Variants in DYNC1H1 observed in about 807,000 individuals in gnomAD.
DYNC1H1 encodes dynein cytoplasmic 1 heavy chain 1, also known as cytoplasmic dynein 1 heavy chain 1.
DYNC1H1 carries 51 observed loss-of-function variants against 527.1 expected under a neutral mutation model. The ratio of observed to expected loss-of-function variants is 0.10; its 90% CI spans 0.08 to 0.12. The LOEUF (loss-of-function observed/expected upper bound fraction) is 0.12. Among genes scored for constraint, DYNC1H1 ranks in the 10% least tolerant of loss-of-function variants. The probability of loss-of-function intolerance (pLI) is 1.00; values close to 1 mark genes in which losing one functional copy is unlikely to be tolerated. For missense variants in DYNC1H1, 2,771 were observed against 5,971.8 expected, an observed-to-expected ratio of 0.46 and a Z score of 17.66; for synonymous variants, 2,189 against 2,278.8, an observed-to-expected ratio of 0.96 and a Z score of 1.12.
rs749479290 is a variant in DYNC1H1 at position 102,010,480 on chromosome 14, T to C, written c.6405+21T>C. 3 of 1,613,332 alleles carry C rather than the reference T, an allele frequency of 1.9e-6. No homozygotes were observed. The highest frequency in any genetic ancestry group is 1.7e-6 in the Non-Finnish European group (2 of 1,179,500). ...AAGAGGTTCGTTACAAACGTTTTGATCACTCAAACCTTATACGTTATTTAA... is the reference window on the plus strand; with the variant it reads ...AAGAGGTTCGTTACAAACGTTTTGACCACTCAAACCTTATACGTTATTTAA... On this transcript the variant is annotated intron_variant, in intron 31 of 77. Transcript: ENST00000360184. The surrounding 1 kb of genome is among the most constrained non-coding windows in gnomAD (Gnocchi z 6.0).
chr14:102,013,152 G>A (rs1253090327), intron 34 of DYNC1H1, among the ~76,000 whole-genome samples: 1 of 150,972 alleles, frequency 6.6e-6, no homozygotes, highest in Non-Finnish European at 1.5e-5. Flanking sequence ...AAGAGGCTGA[G>A]GCAGGAGAAT....
At chr14:102,046,821 C>G (rs2048726326) in intron 72 of DYNC1H1, among the ~76,000 whole-genome samples, 2 of 148,852 alleles carry the variant, frequency 1.3e-5, no homozygotes, top group Admixed American at 6.7e-5. Context: ...TGCTTTGAGA[C>G]TGAGTCTTGC....
chr14:101,984,079 T>C (rs2047899387), intron 7 of DYNC1H1, among the ~76,000 whole-genome samples: 1 of 152,136 alleles, frequency 6.6e-6, no homozygotes, highest in Non-Finnish European at 1.5e-5. Flanking sequence ...GCAGTCCTCC[T>C]ACCTCAGCTT....
rs2048339045 is a variant in DYNC1H1, at chr14:102,017,669, T to G, written c.8177+165T>G. On this transcript the variant is annotated intron_variant, in intron 40 of 77. Coordinates refer to ENST00000360184, the MANE Select transcript of DYNC1H1 (RefSeq NM_001376.5). This position sits in a 1 kb window ranked among gnomAD's most constrained non-coding sequence, Gnocchi z 4.6. ...GTGCTGTAATGCCAGGAAAACATGT[T>G]AAAAATAAAAGCATTGGCCGGGCGC... 7.4e-7 allele frequency: 1 copy of G among 1,349,880 alleles called. No homozygotes were observed. Among genetic ancestry groups the G allele is most frequent in the East Asian group, 2.4e-5 (1 of 40,878 alleles). The allele number at this position is 1,349,880 out of a possible 1,614,324, so 83.6% of individuals were successfully genotyped here. A position where few individuals can be genotyped will look rare whatever the true frequency, so the allele number is the denominator to read the frequency against.
At chr14:101,969,037 A>T (rs1471922458) in intron 1 of DYNC1H1, among the ~76,000 whole-genome samples, 1 of 150,812 alleles carries the variant, frequency 6.6e-6, no homozygotes, top group East Asian at 2.0e-4. Flanking sequence ...TTTTTTTTTG[A>T]GACAGAGTCT....
In DYNC1H1 at chr14:101,983,516, C is replaced by T; in HGVS notation, c.1368C>T (p.His456=). The part of the protein sequence containing the change: ...LKMVWRINPA[H]RKLQARLDQM... ...TGGTGTGGCGTATCAACCCTGCCCA[C>T]AGGAAGCTGCAGGCCCGCCTTGACC... The change falls in exon 7 of 78, where the codon CAC becomes CAT. Residue 456 remains histidine (H), a synonymous_variant. Transcript: ENST00000360184. This position sits in a 1 kb window ranked among gnomAD's most constrained non-coding sequence, Gnocchi z 5.3. 2 of 1,614,154 alleles carry T rather than the reference C, an allele frequency of 1.2e-6. No individual in the cohort carries two copies. The highest frequency in any genetic ancestry group is 1.7e-6 in the Non-Finnish European group (2 of 1,180,032).
chr14:102,003,637 A>G (rs531220960), intron 23 of DYNC1H1, among the ~76,000 whole-genome samples: 13 of 152,302 alleles, frequency 8.5e-5, no homozygotes, highest in African/African-American at 2.9e-4. Context: ...TCTTTTAAAA[A>G]TGAGTTAATA....
Position 102,036,376 on chromosome 14 carries a change from G to T in DYNC1H1, c.10755-113G>T. On this transcript the variant is annotated intron_variant, in intron 56 of 77. Transcript: ENST00000360184. This position sits in a 1 kb window ranked among gnomAD's most constrained non-coding sequence, Gnocchi z 5.6. ...AAAACGTCTCCGGAAACCACTCTCGGGTGGTGGTAACAGCCTATCAATCAG... is the reference window on the plus strand; with the variant it reads ...AAAACGTCTCCGGAAACCACTCTCGTGTGGTGGTAACAGCCTATCAATCAG... The T allele has an allele frequency of 2.1e-6, 3 of 1,416,066 alleles. No homozygotes were observed. In the South Asian group the frequency reaches 3.5e-5, roughly 16 times the overall value. 87.7% of individuals were successfully genotyped at this position (1,416,066 alleles called of 1,614,324 possible). A position where few individuals can be genotyped will look rare whatever the true frequency, so the allele number is the denominator to read the frequency against.
In DYNC1H1 at chr14:102,049,591, G is replaced by A. The variant is rs374678076; in HGVS notation, c.13515+9G>A. The A allele has an allele frequency of 6.5e-5, 105 of 1,613,756 alleles. No homozygotes were observed. Among genetic ancestry groups the A allele is most frequent in the Non-Finnish European group, 7.2e-5 (85 of 1,180,050 alleles). On this transcript the variant is annotated intron_variant, in intron 75 of 77. Coordinates refer to ENST00000360184, the MANE Select transcript of DYNC1H1 (RefSeq NM_001376.5). The surrounding 1 kb of genome is among the most constrained non-coding windows in gnomAD (Gnocchi z 5.5). ...GCGCCAAGGAGCTAAAGGTGAAGGC[G>A]CTCCTGACGAGTCTCGGGTGGTCAG...
rs768994097 is a variant in DYNC1H1 at position 102,050,139 on chromosome 14, C to T, written c.13753C>T (p.Leu4585Phe). Residue 4585 changes from leucine to phenylalanine, a missense_variant, in exon 77 of 78, where the codon CTT becomes TTT. Leu to Phe is a conservative substitution (Grantham distance 22, BLOSUM62 0). Transcript: ENST00000360184. ...ACTGTCCAATGCCATCTCAACCGCC[C>T]TTCCCCTGACGCAGCTGCGCTGGGT... The part of the protein sequence containing the change: ...LSLSNAISTA[L>F]PLTQLRWVKQ... 2.5e-6 allele frequency: 4 copies of T among 1,607,868 alleles called. No homozygotes were observed. The highest frequency in any genetic ancestry group is 2.2e-5 in the South Asian group (2 of 90,956).
At chr14:102,034,625 C>G (rs2048550252) in intron 56 of DYNC1H1, 173 bp downstream of exon 56, 2 of 1,082,012 alleles carry the variant, frequency 1.8e-6, no homozygotes, top group South Asian at 2.7e-5. Flanking sequence ...TCGTTATTGT[C>G]AAGTGTCTGA....
In DYNC1H1 at chr14:101,994,836, T is replaced by C. The variant is rs753742264; in HGVS notation, c.3320T>C (p.Ile1107Thr). ...AAGAAAGAGTTTGGACCAGTAGTTA[T>C]AGATTATGGCAAGGTGAGCCCTGCT... ...ETKKEFGPVV[I>T]DYGKVQSKVN... The change falls in exon 13 of 78, where the codon ATA becomes ACA. Residue 1107 changes from isoleucine (I) to threonine (T), a missense_variant. This residue lies in a region of DYNC1H1 where 179 missense variants were observed against 349.4 expected (regional missense o/e 0.51). Transcript: ENST00000360184. 1.9e-6 allele frequency: 3 copies of C among 1,614,234 alleles called. No homozygotes were observed. Among genetic ancestry groups the C allele is most frequent in the Middle Eastern group, 1.6e-4 (1 of 6,062 alleles).
chr14:102,029,426 A>C lies in DYNC1H1; in HGVS notation c.9469-113A>C. 1 of 1,421,002 alleles carries C rather than the reference A, an allele frequency of 7.0e-7. No individual in the cohort carries two copies. 88.0% of individuals were successfully genotyped at this position (1,421,002 alleles called of 1,614,324 possible). ...GCCCGACTCGAGTGTTCTGGCCCCG[A>C]GGGCCAGGCTCCTTCTATCATGTCA... On this transcript the variant is annotated intron_variant, in intron 48 of 77. Transcript: ENST00000360184. This position sits in a 1 kb window ranked among gnomAD's most constrained non-coding sequence, Gnocchi z 5.3.
chr14:102,013,556 C>T (rs895609083), intron 34 of DYNC1H1, among the ~76,000 whole-genome samples: 2 of 152,090 alleles, frequency 1.3e-5, no homozygotes, highest in South Asian at 2.1e-4. Context: ...GGGCAGTCGG[C>T]TGAAGCGGAG....
Position 102,009,805 on chromosome 14 carries a change from TAAC to T in DYNC1H1, c.5978-36_5978-34del. 3 of 1,613,108 alleles carry T rather than the reference TAAC, an allele frequency of 1.9e-6. No homozygotes were observed. In the Admixed American group the frequency reaches 5.0e-5, roughly 27 times the overall value. On this transcript the variant is annotated intron_variant, in intron 29 of 77. Transcript: ENST00000360184. The stretch of plus-strand genomic sequence containing the variant: ...TAGAATGCATTTTGTTTTTTTTTTT[TAAC>T]ATTTCTAGTCTTAACGCTATCATCT...
chr14:102,031,386 C>T (rs953664151), intron 51 of DYNC1H1, among the ~76,000 whole-genome samples: 25 of 152,124 alleles, frequency 1.6e-4, no homozygotes, highest in Non-Finnish European at 2.5e-4. Context: ...AGGTGCGCGC[C>T]GCCACACCCA....
Position 102,027,225 on chromosome 14 carries a change from A to G in DYNC1H1, c.8823A>G (p.Ala2941=). 1 of 1,614,130 alleles carries G rather than the reference A, an allele frequency of 6.2e-7. No individual in the cohort carries two copies. The highest frequency in any genetic ancestry group is 8.5e-7 in the Non-Finnish European group (1 of 1,180,014). The change falls in exon 45 of 78, where the codon GCA becomes GCG. Residue 2941 remains alanine (A), a synonymous_variant. Coordinates refer to ENST00000360184, the MANE Select transcript of DYNC1H1 (RefSeq NM_001376.5). The surrounding 1 kb of genome is among the most constrained non-coding windows in gnomAD (Gnocchi z 7.7). ...TGCTTCTGATTGGTGTTAGTGGAGC[A>G]GGAAAAACTACCCTGTCTCGTTTCG... ...GHLLLIGVSG[A]GKTTLSRFVA...
intron 8 of DYNC1H1, among the ~76,000 whole-genome samples, chr14:101,987,100 C>T (rs560511870): frequency 6.6e-5 from 10 of 152,358 alleles, no homozygotes; most frequent in Admixed American, 3.9e-4. Context: ...CCAGAGCCTG[C>T]GGCTGCCAGC....
chr14:102,005,152 C>T lies in DYNC1H1; in HGVS notation c.5349C>T (p.Ser1783=), dbSNP rs755423105. ...GDAAPLHSVL[S]NVEVTLNVLA... ...CCGCGCCCTTGCACTCTGTGCTGAG[C>T]AATGTGGAGGTCACCCTCAATGTGT... The change falls in exon 26 of 78, where the codon AGC becomes AGT. Residue 1783 remains serine, a synonymous_variant. Transcript: ENST00000360184. The surrounding 1 kb of genome is among the most constrained non-coding windows in gnomAD (Gnocchi z 4.0). The T allele has an allele frequency of 6.8e-6, 11 of 1,614,182 alleles. No individual in the cohort carries two copies. The highest frequency in any genetic ancestry group is 6.8e-6 in the Non-Finnish European group (8 of 1,180,032).
Sources: gnomAD v4.1 joint callset for allele counts (sites outside exome capture counted in the v4.1 genomes callset) on GRCh38, gnomAD v4.1.1 for gene constraint, gnomAD v4.1.1 regional missense constraint, Gnocchi (gnomAD v3.1) non-coding constraint, MANE v1.5 for transcripts, NCBI Gene and HGNC (gene_info 2026-07-23, HGNC 2026-07-21) for gene names.